The following SP100 variants were observed in gnomAD, a reference collection of about 807,000 sequenced individuals.
SP100 encodes the protein nuclear autoantigen Sp-100.
A neutral mutation model predicts 130.0 loss-of-function variants in SP100; 84 were observed. The observed-to-expected ratio is 0.65, with a 90% CI of 0.54 to 0.77. The LOEUF (loss-of-function observed/expected upper bound fraction) is 0.77, where lower values mean the gene tolerates loss of function less well. SP100 is among the 30% of genes least tolerant of loss of function. The pLI is 0.00. For synonymous variants in SP100, 331 were observed against 351.7 expected, an observed-to-expected ratio of 0.94 and a Z score of 0.66; for missense variants, 978 against 1,052.2, an observed-to-expected ratio of 0.93 and a Z score of 0.97.
intron 23 of SP100, chr2:230,510,085 C>T (rs1318667177): frequency 6.6e-6 from 1 of 152,644 alleles, no homozygotes; most frequent in Non-Finnish European, 1.5e-5. Context: ...GCCCAGATTG[C>T]TTCTGGCAGG....
chr2:230,502,991 T>A (rs1044474330), intron 19 of SP100, 75 bp from the exon 20 acceptor site: 2 of 1,177,754 alleles, frequency 1.7e-6, no homozygotes, highest in East Asian at 4.7e-5. Context: ...AAAAGTTGCA[T>A]TTGAATGGTG....
At chr2:230,512,897 A>G (rs966377472) in intron 24 of SP100, among the ~76,000 whole-genome samples, 1 of 152,178 alleles carries the variant, frequency 6.6e-6, no homozygotes, top group African/African-American at 2.4e-5. Context: ...GAGGCATTAG[A>G]TTCTCAAAAG....
intron 23 of SP100, chr2:230,508,423 C>G (rs1690296249): frequency 6.4e-6 from 1 of 156,680 alleles, no homozygotes; most frequent in South Asian, 1.9e-4. Flanking sequence ...TCAAGCGATT[C>G]TTGTGCCTCA....
intron 23 of SP100, 54 bp downstream of exon 23, chr2:230,508,085 CTA>C (rs1559526907): frequency 6.2e-7 from 1 of 1,606,062 alleles, no homozygotes; most frequent in South Asian, 1.1e-5. Context: ...TGTTGATTTT[CTA>C]TCTCTGTGGA....
intron 17 of SP100, among the ~76,000 whole-genome samples, chr2:230,486,314 T>C (rs1241294083): frequency 1.3e-5 from 2 of 152,048 alleles, no homozygotes; most frequent in East Asian, 3.9e-4. Context: ...TGACCCATCC[T>C]CTAGGTTCAC....
chr2:230,439,577 T>C (rs1214074097), intron 2 of SP100, among the ~76,000 whole-genome samples: 2 of 146,904 alleles, frequency 1.4e-5, no homozygotes, highest in East Asian at 3.9e-4. Context: ...TGTTGTTGTT[T>C]TGCTTTGTTT....
At chr2:230,454,604 T>G (rs1345652850) in intron 8 of SP100, among the ~76,000 whole-genome samples, 5 of 152,152 alleles carry the variant, frequency 3.3e-5, no homozygotes, top group African/African-American at 4.8e-5. Flanking sequence ...TCAAAATTCC[T>G]CGTTATTGAT....
chr2:230,531,804 T>G (rs1691716446), intron 24 of SP100, among the ~76,000 whole-genome samples: 1 of 152,138 alleles, frequency 6.6e-6, no homozygotes, highest in African/African-American at 2.4e-5. Context: ...CTAAGGACAT[T>G]TAATTGTGTA....
rs187761066 is a variant in SP100 at position 230,480,582 on chromosome 2, A to G, written c.1600+6135A>G. Among the ~76,000 whole-genome samples the G allele has an allele frequency of 3.9e-5, 6 of 152,264 alleles. No homozygotes were observed. The East Asian group carries it at 1.2e-3, about 29-fold the overall frequency. ...CTCCCTAGGAGGACTGTACAGATTG[A>G]TCAAGGGTGGATGTCCTGCTGGCTT... is the stretch of plus-strand genomic sequence containing the variant. On this transcript the variant is annotated intron_variant, in intron 17 of 28. Coordinates refer to ENST00000340126, the MANE Select transcript of SP100 (RefSeq NM_001080391.2).
At chr2:230,539,884 G>A (rs1692098143) in intron 25 of SP100, among the ~76,000 whole-genome samples, 1 of 152,206 alleles carries the variant, frequency 6.6e-6, no homozygotes, top group Non-Finnish European at 1.5e-5. Flanking sequence ...AGGTGATGGT[G>A]TGCAGGATAC....
rs142094556 is a variant in SP100 at position 230,469,096 on chromosome 2, C to T, written c.1345C>T (p.Arg449Cys). 1.9e-5 allele frequency: 30 copies of T among 1,584,752 alleles called. No individual in the cohort carries two copies. Among genetic ancestry groups the T allele is most frequent in the African/African-American group, 1.1e-4 (8 of 74,336 alleles). The change falls in exon 14 of 29, where the codon CGT (arginine) becomes TGT (cysteine). Residue 449 changes from arginine to cysteine, a missense_variant and splice_region_variant. By Grantham distance (180) the Arg-to-Cys change is radical (BLOSUM62 -3). Transcript: ENST00000340126. The part of the protein sequence containing the change: ...STWRIPSRKR[R>C]FSSSDFSDLS... ...TTGGAGAATACCCAGCAGGAAGAGA[C>T]GTAAGAGCAATTAAAAACTCTTGAT...
chr2:230,512,276 CTTTTTTTTTTTTTTTTT>C (rs34753799), intron 24 of SP100, among the ~76,000 whole-genome samples: 21 of 76,110 alleles, frequency 2.8e-4, no homozygotes, highest in African/African-American at 1.0e-3. Flanking sequence ...ATTGAAATGC[CTTTTTTTTTTTTTTTTT>C]TTTTTTTTTT....
chr2:230,426,426 T>C (rs1477752478), intron 2 of SP100, among the ~76,000 whole-genome samples: 1 of 152,238 alleles, frequency 6.6e-6, no homozygotes, highest in Non-Finnish European at 1.5e-5. Flanking sequence ...TTTGCTATGT[T>C]GTGTTTTCAT....
At chr2:230,516,725 G>A (rs1472948332) in intron 24 of SP100, among the ~76,000 whole-genome samples, 5 of 152,126 alleles carry the variant, frequency 3.3e-5, no homozygotes, top group Non-Finnish European at 7.4e-5. Flanking sequence ...GACTTCAAAT[G>A]CTTGTAGAGA....
chr2:230,478,114 CT>C (rs898325154), intron 17 of SP100, among the ~76,000 whole-genome samples: 7 of 152,114 alleles, frequency 4.6e-5, no homozygotes, highest in African/African-American at 1.7e-4. Flanking sequence ...CTATGAATAT[CT>C]TTTTTTCTAT....
chr2:230,459,425 T>G (rs1033861531), intron 8 of SP100, among the ~76,000 whole-genome samples: 11 of 152,142 alleles, frequency 7.2e-5, no homozygotes, highest in Admixed American at 7.2e-4. Context: ...AAGCCTCTCC[T>G]CAGGCATCAC....
At chr2:230,484,783 T>G (rs1403532228) in intron 17 of SP100, among the ~76,000 whole-genome samples, 2 of 152,234 alleles carry the variant, frequency 1.3e-5, no homozygotes, top group Non-Finnish European at 2.9e-5. Context: ...AGTATATTTT[T>G]AATTGCTTCC....
intron 24 of SP100, among the ~76,000 whole-genome samples, chr2:230,528,085 G>C (rs552074672): frequency 2.6e-5 from 4 of 152,150 alleles, no homozygotes; most frequent in Non-Finnish European, 5.9e-5. Context: ...AGACCTAATA[G>C]ACATCTACAG....
intron 28 of SP100, 78 bp downstream of exon 28, chr2:230,542,113 C>A: frequency 6.8e-7 from 1 of 1,466,042 alleles, no homozygotes; most frequent in African/African-American, 1.4e-5. Flanking sequence ...CTTTTCATGT[C>A]AGGTAAATGT....
Sources: allele counts gnomAD v4.1 joint callset (sites outside exome capture counted in the v4.1 genomes callset), GRCh38; gene constraint gnomAD v4.1.1; transcripts MANE v1.5; gene names NCBI Gene and HGNC (gene_info 2026-07-23, HGNC 2026-07-21).